Variants in FA2H observed in about 807,000 individuals in gnomAD.
The protein encoded by FA2H is fatty acid alpha-hydroxylase.
A neutral mutation model predicts 44.9 loss-of-function variants in FA2H; 22 were observed. The observed-to-expected ratio is 0.49, with a 90% confidence interval of 0.35 to 0.70. The LOEUF is 0.70. Among genes scored for constraint, FA2H ranks in the 30% least tolerant of loss-of-function variants. FA2H has a pLI of 0.01. For missense variants in FA2H, 501 were observed against 504.9 expected (o/e 0.99, Z 0.07); for synonymous variants, 243 against 213.2 (o/e 1.14, Z -1.22).
chr16:74,740,258 C>G, intron 1 of FA2H, 143 bp from the exon 2 acceptor site: 1 of 720,796 alleles, frequency 1.4e-6, no homozygotes, highest in South Asian at 1.4e-5. Context: ...ACGCTGGGTA[C>G]TTTGGAAAAC....
chr16:74,764,400 G>A lies in FA2H; in HGVS notation c.270+10086C>T, dbSNP rs149989984. Among the ~76,000 whole-genome samples, 15 of 152,290 alleles carry A rather than the reference G, an allele frequency of 9.8e-5. No individual in the cohort carries two copies. The East Asian group carries it at 1.5e-3, about 16-fold the overall frequency. On this transcript the variant is annotated intron_variant, in intron 1 of 6. Transcript: ENST00000219368. Reference sequence around the variant, plus strand: ...ATACTATACAGCCACAAAAAAGAACGAGATCATGTCCCTTGAGGGAATATG... The same window carrying A: ...ATACTATACAGCCACAAAAAAGAACAAGATCATGTCCCTTGAGGGAATATG...
At chr16:74,735,456 C>T (rs1487323863) in intron 2 of FA2H, among the ~76,000 whole-genome samples, 4 of 152,180 alleles carry the variant, frequency 2.6e-5, no homozygotes, top group African/African-American at 7.2e-5. Context: ...GCCTCAGGCT[C>T]ACCCCACGAG....
Position 74,723,440 on chromosome 16 carries a change from G to A in FA2H, c.613+2785C>T, listed in dbSNP as rs554556513. Among the ~76,000 whole-genome samples the A allele has an allele frequency of 3.9e-5, 6 of 152,216 alleles. No homozygotes were observed. In the East Asian group the frequency reaches 1.2e-3, roughly 29 times the overall value. On this transcript the variant is annotated intron_variant, in intron 4 of 6. Coordinates refer to ENST00000219368, the MANE Select transcript of FA2H (RefSeq NM_024306.5). ...GCTCTACACCAACTCCACCCTGGGT[G>A]GCCACGCCCTACTGGACAGCTCCAT...
At chr16:74,747,117 C>G (rs534157102) in intron 1 of FA2H, among the ~76,000 whole-genome samples, 8 of 152,018 alleles carry the variant, frequency 5.3e-5, no homozygotes, top group Non-Finnish European at 8.8e-5. Flanking sequence ...TTGAGACCAG[C>G]CTGGGAAACA....
chr16:74,770,373 T>TG (rs1962883048), intron 1 of FA2H, among the ~76,000 whole-genome samples: 1 of 151,534 alleles, frequency 6.6e-6, no homozygotes, highest in Non-Finnish European at 1.5e-5. Context: ...TCCCACAAGT[T>TG]TTTTGTTTGT....
intron 4 of FA2H, 58 bp from the exon 5 acceptor site, chr16:74,719,218 A>T: frequency 6.6e-7 from 1 of 1,508,860 alleles, no homozygotes; most frequent in Non-Finnish European, 9.1e-7. Context: ...TGGTAGCTCC[A>T]GGTGTCCCTG....
intron 2 of FA2H, among the ~76,000 whole-genome samples, chr16:74,737,841 AC>A (rs1962211807): frequency 6.6e-6 from 1 of 151,844 alleles, no homozygotes; most frequent in Admixed American, 6.6e-5. Flanking sequence ...GATCCAAAAG[AC>A]CTACCCCAGC....
intron 2 of FA2H, among the ~76,000 whole-genome samples, chr16:74,737,912 C>G (rs1355906715): frequency 6.6e-6 from 1 of 152,234 alleles, no homozygotes; most frequent in Admixed American, 6.5e-5. Context: ...CGGGCTCCCC[C>G]AGCCTCTCTG....
At chr16:74,739,350 C>A (rs1962246503) in intron 2 of FA2H, among the ~76,000 whole-genome samples, 1 of 151,978 alleles carries the variant, frequency 6.6e-6, no homozygotes, top group African/African-American at 2.4e-5. Context: ...CCTCCAGTGA[C>A]CCCCTCCAGT....
intron 2 of FA2H, among the ~76,000 whole-genome samples, chr16:74,727,864 C>A (rs1194691875): frequency 2.0e-5 from 3 of 152,220 alleles, no homozygotes; most frequent in Admixed American, 6.5e-5. Context: ...GAAGTGGGCT[C>A]TTTTCCCCAG....
chr16:74,767,033 G>A (rs544735167), intron 1 of FA2H, among the ~76,000 whole-genome samples: 16 of 152,186 alleles, frequency 1.1e-4, no homozygotes, highest in Non-Finnish European at 1.3e-4. Context: ...AAAATTGGCC[G>A]GGCATGGTGG....
intron 4 of FA2H, among the ~76,000 whole-genome samples, chr16:74,722,405 T>G (rs1283232484): frequency 6.6e-6 from 1 of 151,980 alleles, no homozygotes; most frequent in Non-Finnish European, 1.5e-5. Flanking sequence ...GCATGGTGGC[T>G]CATGCCTATA....
chr16:74,733,421 G>C (rs540105647), intron 2 of FA2H, among the ~76,000 whole-genome samples: 1 of 152,256 alleles, frequency 6.6e-6, no homozygotes, highest in East Asian at 1.9e-4. Flanking sequence ...GATTGGTTGG[G>C]CCTGAAGTGG....
intron 1 of FA2H, among the ~76,000 whole-genome samples, chr16:74,762,477 T>C (rs1962732534): frequency 6.6e-6 from 1 of 152,206 alleles, no homozygotes; most frequent in Admixed American, 6.5e-5. Context: ...GATAATCAAT[T>C]TCCCTCTCCC....
intron 6 of FA2H, among the ~76,000 whole-genome samples, chr16:74,715,815 CTTTTT>C (rs536329308): frequency 7.3e-6 from 1 of 136,364 alleles, no homozygotes. Context: ...TCTTCTTCTT[CTTTTT>C]TTTTTTTTTT....
chr16:74,753,152 G>A (rs534844010), intron 1 of FA2H, among the ~76,000 whole-genome samples: 17 of 152,294 alleles, frequency 1.1e-4, no homozygotes, highest in African/African-American at 3.9e-4. Context: ...ACAGAATCCT[G>A]CAGGGGAGGC....
intron 5 of FA2H, among the ~76,000 whole-genome samples, chr16:74,718,238 G>A (rs1567633340): frequency 6.6e-6 from 1 of 152,180 alleles, no homozygotes; most frequent in East Asian, 1.9e-4. Flanking sequence ...CTAAACTGGT[G>A]TCCCGAAAGT....
intron 2 of FA2H, 132 bp from the exon 3 acceptor site, chr16:74,727,518 C>T: frequency 1.0e-6 from 1 of 958,360 alleles, no homozygotes; most frequent in Non-Finnish European, 1.6e-6. Flanking sequence ...GCCACCCACC[C>T]TCCTGCTTCA....
At chr16:74,740,776 G>A (rs1962280499) in intron 1 of FA2H, among the ~76,000 whole-genome samples, 2 of 152,090 alleles carry the variant, frequency 1.3e-5, no homozygotes, top group Admixed American at 1.3e-4. Context: ...CCGGGAAAGG[G>A]GTCCCTGCCG....
Sources: gnomAD v4.1 joint callset for allele counts (sites outside exome capture counted in the v4.1 genomes callset) on GRCh38, gnomAD v4.1.1 for gene constraint, MANE v1.5 for transcripts, NCBI Gene and HGNC (gene_info 2026-07-23, HGNC 2026-07-21) for gene names.